Variants in ATG7 observed in about 807,000 individuals in gnomAD.
ATG7 encodes the protein autophagy related 7, also known as ubiquitin-like modifier-activating enzyme ATG7.
Under a neutral mutation model 82.4 loss-of-function variants are expected in ATG7, and 70 were observed. That is an observed-to-expected ratio of 0.85 (90% CI 0.70 to 1.04). The LOEUF (loss-of-function observed/expected upper bound fraction) is 1.04, where lower values mean the gene tolerates loss of function less well. Among genes scored for constraint, ATG7 ranks in the 50% least tolerant of loss-of-function variants. The pLI, the probability that ATG7 is intolerant of heterozygous loss-of-function variation, is 0.00. For missense variants in ATG7, 792 were observed against 864.3 expected (o/e 0.92, Z 1.05); for synonymous variants, 287 against 313.0 (o/e 0.92, Z 0.88).
chr3:11,467,607 C>A (rs1018939423), intron 20 of ATG7, among the ~76,000 whole-genome samples: 2 of 152,182 alleles, frequency 1.3e-5, no homozygotes, highest in African/African-American at 4.8e-5. Context: ...AACTCCTGAC[C>A]TCAGGTAATC....
intron 20 of ATG7, among the ~76,000 whole-genome samples, chr3:11,549,362 G>A (rs940481135): frequency 1.3e-5 from 2 of 152,182 alleles, no homozygotes; most frequent in African/African-American, 2.4e-5. Flanking sequence ...CATGTGGTGA[G>A]AGCACCTAAA....
chr3:11,488,613 C>T lies in ATG7; in HGVS notation c.2079+61687C>T, dbSNP rs190269224. 8.4e-5 allele frequency: 37 copies of T among 441,340 alleles called. 1 individual carries two copies. The highest frequency in any genetic ancestry group is 3.0e-4 in the Admixed American group (6 of 19,888). 27.3% of individuals were successfully genotyped at this position (441,340 alleles called of 1,614,324 possible). The stretch of plus-strand genomic sequence containing the variant: ...TCCCTAAGCCACCGACCCCAGCCCG[C>T]GGGCCTTCGAGCCTTCTGGGGCCTC... On this transcript the variant is annotated intron_variant, in intron 20 of 20. Transcript: ENST00000693202.
chr3:11,395,609 C>T (rs1024673233), intron 19 of ATG7, among the ~76,000 whole-genome samples: 5 of 152,080 alleles, frequency 3.3e-5, no homozygotes, highest in African/African-American at 7.2e-5. Flanking sequence ...AGGAAAGAAA[C>T]GCATCCCACA....
chr3:11,464,977 A>G (rs1161340343), intron 20 of ATG7, among the ~76,000 whole-genome samples: 1 of 152,178 alleles, frequency 6.6e-6, no homozygotes. Flanking sequence ...CAGATGCCAC[A>G]TCTATCATCA....
chr3:11,293,613 C>T lies in ATG7; in HGVS notation c.-10-5073C>T, dbSNP rs550956450. Among the ~76,000 whole-genome samples, 20 of 151,314 alleles carry T rather than the reference C, an allele frequency of 1.3e-4. No individual in the cohort carries two copies. In the South Asian group the frequency reaches 4.2e-3, roughly 32 times the overall value. On this transcript the variant is annotated intron_variant, in intron 3 of 20. Transcript: ENST00000693202. ...CTGTAATCCCAGCACTTTGGTACATCAAGGCAGGCGGATCACTTGAGGTCA... is the reference window on the plus strand; with the variant it reads ...CTGTAATCCCAGCACTTTGGTACATTAAGGCAGGCGGATCACTTGAGGTCA...
At chr3:11,477,960 C>A (rs1361324703) in intron 20 of ATG7, among the ~76,000 whole-genome samples, 5 of 152,180 alleles carry the variant, frequency 3.3e-5, no homozygotes, top group Admixed American at 3.3e-4. Context: ...CTATCTTCTA[C>A]CTTTCATAAG....
At chr3:11,391,150 A>T (rs567053819) in intron 19 of ATG7, among the ~76,000 whole-genome samples, 2 of 152,196 alleles carry the variant, frequency 1.3e-5, no homozygotes, top group Non-Finnish European at 2.9e-5. Context: ...GCCATAAAAA[A>T]CTTTCCATCT....
At chr3:11,373,460 C>T (rs979486090) in intron 18 of ATG7, among the ~76,000 whole-genome samples, 1 of 152,214 alleles carries the variant, frequency 6.6e-6, no homozygotes, top group Non-Finnish European at 1.5e-5. Flanking sequence ...GTTTCCCTTG[C>T]TTGCCTGATG....
intron 20 of ATG7, among the ~76,000 whole-genome samples, chr3:11,509,496 A>G (rs2091933466): frequency 6.6e-6 from 1 of 152,082 alleles, no homozygotes; most frequent in African/African-American, 2.4e-5. Flanking sequence ...TATGTCACAG[A>G]CATAGACATG....
At chr3:11,503,180 G>A (rs777789319) in intron 20 of ATG7, among the ~76,000 whole-genome samples, 9 of 152,034 alleles carry the variant, frequency 5.9e-5, no homozygotes, top group African/African-American at 1.7e-4. Flanking sequence ...AATGACAGTC[G>A]GCCAGATGAC....
chr3:11,361,419 A>T (rs2076276107), intron 16 of ATG7, among the ~76,000 whole-genome samples: 1 of 151,234 alleles, frequency 6.6e-6, no homozygotes, highest in African/African-American at 2.4e-5. Flanking sequence ...TGAGTAGCTG[A>T]GATTACAGGT....
At chr3:11,495,927 A>C (rs1318275254) in intron 20 of ATG7, among the ~76,000 whole-genome samples, 2 of 152,200 alleles carry the variant, frequency 1.3e-5, no homozygotes, top group Non-Finnish European at 2.9e-5. Flanking sequence ...GTGCACCGTA[A>C]GGACTTATAC....
intron 3 of ATG7, among the ~76,000 whole-genome samples, chr3:11,295,504 G>A (rs1276474832): frequency 6.6e-6 from 1 of 152,168 alleles, no homozygotes; most frequent in Admixed American, 6.5e-5. Context: ...GACACAGTCA[G>A]TTACTCCCCT....
At chr3:11,574,235 C>CGTAA in the ATG7 span, among the ~76,000 whole-genome samples, 2 of 152,218 alleles carry the variant, frequency 1.3e-5, no homozygotes, top group Admixed American at 6.5e-5. Context: ...TTGCTTTACA[C>CGTAA]GGCTTTAGAT....
chr3:11,510,600 G>T (rs2092004095), intron 20 of ATG7, among the ~76,000 whole-genome samples: 1 of 152,222 alleles, frequency 6.6e-6, no homozygotes, highest in South Asian at 2.1e-4. Context: ...AGTAAAAGCA[G>T]GCTGTCAGCT....
downstream of ATG7, chr3:11,559,405 G>T: frequency 6.4e-7 from 1 of 1,562,898 alleles, no homozygotes; most frequent in South Asian, 1.2e-5. Flanking sequence ...AGTGCGAGAG[G>T]TTGCAGTTGC....
intron 19 of ATG7, among the ~76,000 whole-genome samples, chr3:11,396,596 G>C (rs2079301414): frequency 6.6e-6 from 1 of 152,028 alleles, no homozygotes; most frequent in South Asian, 2.1e-4. Context: ...GGCCAACATA[G>C]TGAAACCCCA....
chr3:11,562,211 C>T (rs2073088340), downstream of ATG7, among the ~76,000 whole-genome samples: 1 of 152,080 alleles, frequency 6.6e-6, no homozygotes, highest in Admixed American at 6.6e-5. Context: ...ATGTGCGAAG[C>T]TTAACCCCAT....
chr3:11,387,203 T>C (rs567221471), intron 19 of ATG7, among the ~76,000 whole-genome samples: 1 of 152,320 alleles, frequency 6.6e-6, no homozygotes, highest in Admixed American at 6.5e-5. Flanking sequence ...AGGGATTGAA[T>C]CAGGGATTTG....
Sources: gnomAD v4.1 joint callset for allele counts (sites outside exome capture counted in the v4.1 genomes callset) on GRCh38, gnomAD v4.1.1 for gene constraint, MANE v1.5 for transcripts, NCBI Gene and HGNC (gene_info 2026-07-23, HGNC 2026-07-21) for gene names.